Variants in TPO observed in about 807,000 individuals in gnomAD.
TPO encodes the protein thyroid peroxidase.
TPO carries 78 observed loss-of-function variants against 96.9 expected under a neutral mutation model. The ratio of observed to expected loss-of-function variants is 0.81; its 90% CI spans 0.67 to 0.97. TPO has a LOEUF of 0.97. Ranked by LOEUF, TPO falls within the 50% of genes least tolerant of loss-of-function variation. The pLI, the probability that TPO is intolerant of heterozygous loss-of-function variation, is 0.00. For missense variants in TPO, 1,252 were observed against 1,274.8 expected (o/e 0.98, Z 0.27); for synonymous variants, 547 against 538.0 (o/e 1.02, Z -0.23).
At chr2:1,518,628 C>T (rs1056880387) in intron 15 of TPO, among the ~76,000 whole-genome samples, 10 of 152,178 alleles carry the variant, frequency 6.6e-5, no homozygotes, top group South Asian at 4.1e-4. Context: ...ATTTCAGTGA[C>T]GTATTTCTGA....
chr2:1,463,109 C>T (rs1336206729), intron 7 of TPO, among the ~76,000 whole-genome samples: 1 of 152,174 alleles, frequency 6.6e-6, no homozygotes, highest in Non-Finnish European at 1.5e-5. Flanking sequence ...AGGGAGGACA[C>T]CTGCGTGCCC....
intron 1 of TPO, among the ~76,000 whole-genome samples, chr2:1,397,289 C>T (rs1662096061): frequency 6.6e-6 from 1 of 152,190 alleles, no homozygotes; most frequent in Non-Finnish European, 1.5e-5. Context: ...ACCAAGTTAT[C>T]CCATTTTTAC....
In TPO at chr2:1,414,486, G is replaced by A. The variant is rs746958436; in HGVS notation, c.78G>A (p.Gly26=). ...CCTTCTTCCCCTTCATCTCGAGAGG[G>A]AAAGAACTCCTTTGGGGTAAGTAGC... ...TEAFFPFISR[G]KELLWGKPEE... Residue 26 remains glycine (G), a synonymous_variant, in exon 2 of 17, where the codon GGG becomes GGA. Transcript: ENST00000329066. The A allele has an allele frequency of 8.7e-6, 14 of 1,613,854 alleles. No individual in the cohort carries two copies. Among genetic ancestry groups the A allele is most frequent in the Admixed American group, 1.7e-5 (1 of 59,994 alleles).
intron 5 of TPO, among the ~76,000 whole-genome samples, chr2:1,441,785 T>A (rs924072936): frequency 2.6e-5 from 4 of 152,174 alleles, no homozygotes; most frequent in African/African-American, 9.7e-5. Flanking sequence ...GGCCTGAGGA[T>A]GTCCTGCAGA....
At chr2:1,450,760 CT>C (rs534765298) in intron 5 of TPO, among the ~76,000 whole-genome samples, 167 of 152,284 alleles carry the variant, frequency 1.1e-3, no homozygotes, top group Middle Eastern at 3.4e-3. Context: ...AAAAAAATCA[CT>C]GCTTAAGCAG....
In TPO at chr2:1,504,056, G is replaced by C; in HGVS notation, c.2495G>C (p.Gly832Ala). ...QCLCADPYEL[G>A]DDGRTCVDSG... The stretch of plus-strand genomic sequence containing the variant: ...CTCTGCGCGGACCCCTACGAGTTAG[G>C]AGACGATGGGAGAACCTGCGTAGGT... The change falls in exon 14 of 17, where the codon GGA becomes GCA. Residue 832 changes from glycine to alanine, a missense_variant. Coordinates refer to ENST00000329066, the MANE Select transcript of TPO (RefSeq NM_001206744.2). 4 of 1,614,204 alleles carry C rather than the reference G, an allele frequency of 2.5e-6. No homozygotes were observed. The highest frequency in any genetic ancestry group is 3.4e-6 in the Non-Finnish European group (4 of 1,180,042).
intron 14 of TPO, among the ~76,000 whole-genome samples, chr2:1,510,619 G>GAGAGCACCC (rs1350832652): frequency 6.6e-6 from 1 of 152,168 alleles, no homozygotes; most frequent in Non-Finnish European, 1.5e-5. Context: ...CCTCCTCCCG[G>GAGAGCACCC]AGAGCACCCA....
intron 9 of TPO, among the ~76,000 whole-genome samples, chr2:1,486,914 C>T (rs1671220948): frequency 6.6e-6 from 1 of 152,200 alleles, no homozygotes; most frequent in Non-Finnish European, 1.5e-5. Flanking sequence ...TCAGCAGGTG[C>T]CCGGCATTTG....
intron 1 of TPO, among the ~76,000 whole-genome samples, chr2:1,394,520 G>A (rs1012835744): frequency 5.9e-5 from 9 of 152,194 alleles, no homozygotes; most frequent in South Asian, 2.1e-4. Context: ...CCGAACAGAC[G>A]TCTCCAGGAA....
At chr2:1,474,162 C>A (rs1045792304) in intron 7 of TPO, among the ~76,000 whole-genome samples, 18 of 152,110 alleles carry the variant, frequency 1.2e-4, no homozygotes, top group African/African-American at 4.1e-4. Flanking sequence ...TTTAGCAATT[C>A]CAATCTATTC....
chr2:1,436,439 T>C, intron 5 of TPO, 55 bp downstream of exon 5: 3 of 1,612,202 alleles, frequency 1.9e-6, no homozygotes, highest in East Asian at 2.2e-5. Flanking sequence ...TGAACATGAC[T>C]AGATGCCATC....
At position 1,541,054 on chromosome 2, in the gene TPO, CTTTTAAATTCTGATT is replaced by C. The variant is rs1680705652; in HGVS notation, c.2748+335_2748+349del. The C allele has an allele frequency of 6.3e-6, 8 of 1,267,556 alleles. No individual in the cohort carries two copies. In the Admixed American group the frequency reaches 2.3e-4, roughly 37 times the overall value. The allele number at this position is 1,267,556 out of a possible 1,614,324, so 78.5% of individuals were successfully genotyped here. ...AGGAGAAGCTGAAGCAAAACCCTGA[CTTTTAAATTCTGATT>C]TTTAAGTGGAATAGTTATAATCAGT... On this transcript the variant is annotated intron_variant, in intron 16 of 16. Coordinates refer to ENST00000329066, the MANE Select transcript of TPO (RefSeq NM_001206744.2).
At chr2:1,504,927 G>A (rs1022245982) in intron 14 of TPO, among the ~76,000 whole-genome samples, 1 of 152,172 alleles carries the variant, frequency 6.6e-6, no homozygotes. Flanking sequence ...AGAACCAAGT[G>A]CAAGGCTCAA....
At chr2:1,537,231 C>CAATGTGTG (rs1679948429) in intron 15 of TPO, among the ~76,000 whole-genome samples, 1 of 105,724 alleles carries the variant, frequency 9.5e-6, no homozygotes, top group Non-Finnish European at 1.9e-5. Context: ...CCCCAAATCC[C>CAATGTGTG]CCAACTGTTT....
At chr2:1,419,276 C>T (rs549327438) in intron 2 of TPO, among the ~76,000 whole-genome samples, 3 of 152,212 alleles carry the variant, frequency 2.0e-5, no homozygotes, top group Admixed American at 2.0e-4. Context: ...AAAAAAACTT[C>T]GGGTTCAAAC....
At chr2:1,378,080 T>C (rs181230910) in intron 1 of TPO, among the ~76,000 whole-genome samples, 1 of 152,356 alleles carries the variant, frequency 6.6e-6, no homozygotes, top group Non-Finnish European at 1.5e-5. Flanking sequence ...GTCGCTTGTC[T>C]GTGGCCATTT....
chr2:1,397,954 C>T (rs1026585612), intron 1 of TPO, among the ~76,000 whole-genome samples: 5 of 152,192 alleles, frequency 3.3e-5, no homozygotes, highest in Non-Finnish European at 7.3e-5. Flanking sequence ...AAATATGCAC[C>T]TTGTGCAGAA....
chr2:1,422,941 C>T, intron 2 of TPO, 104 bp from the exon 3 acceptor site: 6 of 1,279,684 alleles, frequency 4.7e-6, no homozygotes, highest in Middle Eastern at 2.0e-4. Context: ...CCGGAAGCCA[C>T]GTGGGCATCA....
rs375133048 is a variant in TPO at position 1,504,036 on chromosome 2, C to A, written c.2475C>A (p.Cys825Ter). ...CCAAAGGCGGCTTCCAGTGTCTCTGCGCGGACCCCTACGAGTTAGGAGACG... is the reference window on the plus strand; with the variant it reads ...CCAAAGGCGGCTTCCAGTGTCTCTGAGCGGACCCCTACGAGTTAGGAGACG... ...RNTKGGFQCL[C>*]ADPYELGDDG... The change falls in exon 14 of 17, where the codon TGC becomes TGA. Residue 825 changes from cysteine (C) to a stop codon, truncating the protein, a stop_gained. Transcript: ENST00000329066. LOFTEE classifies it high-confidence loss of function. 11 of 1,614,210 alleles carry A rather than the reference C, an allele frequency of 6.8e-6. No homozygotes were observed. The highest frequency in any genetic ancestry group is 8.5e-6 in the Non-Finnish European group (10 of 1,180,044).
Sources: allele counts gnomAD v4.1 joint callset (sites outside exome capture counted in the v4.1 genomes callset), GRCh38; gene constraint gnomAD v4.1.1; transcripts MANE v1.5; gene names NCBI Gene and HGNC (gene_info 2026-07-23, HGNC 2026-07-21).